The following TBXAS1 variants were observed in gnomAD, a reference collection of about 807,000 sequenced individuals.
TBXAS1 encodes the protein thromboxane-A synthase.
A neutral mutation model predicts 60.7 loss-of-function variants in TBXAS1; 48 were observed. That is an observed-to-expected ratio of 0.79 (90% CI 0.63 to 1.01). The LOEUF is 1.01. Among genes scored for constraint, TBXAS1 ranks in the 50% least tolerant of loss-of-function variants. TBXAS1 has a pLI of 0.00. For synonymous variants in TBXAS1, 287 were observed against 269.7 expected (o/e 1.06, Z -0.63); for missense variants, 685 against 686.3 (o/e 1.00, Z 0.02).
chr7:139,955,616 G>A lies in TBXAS1; in HGVS notation c.688+9G>A, dbSNP rs1329164002. The A allele has an allele frequency of 3.1e-6, 5 of 1,613,882 alleles. No homozygotes were observed. Among genetic ancestry groups the A allele is most frequent in the Middle Eastern group, 1.6e-4 (1 of 6,062 alleles). On this transcript the variant is annotated intron_variant, in intron 7 of 12. Coordinates refer to ENST00000448866, the MANE Select transcript of TBXAS1 (RefSeq NM_001061.7). The stretch of plus-strand genomic sequence containing the variant: ...TATCCTGGTTTTACTCTGTAAGTGC[G>A]GCTGCAGCCCGGGGCGCTGCGATGA...
intron 12 of TBXAS1, among the ~76,000 whole-genome samples, chr7:140,019,197 A>C (rs929356880): frequency 6.6e-6 from 1 of 152,176 alleles, no homozygotes; most frequent in African/African-American, 2.4e-5. Context: ...TGGATGGGGG[A>C]CATAGAGTCT....
intron 7 of TBXAS1, among the ~76,000 whole-genome samples, chr7:139,956,118 G>C (rs1287769508): frequency 6.6e-5 from 10 of 152,150 alleles, no homozygotes; most frequent in South Asian, 4.2e-4. Context: ...AATGCACGAG[G>C]ACCAGTCTAT....
At chr7:139,996,418 T>C (rs1372577837) in intron 9 of TBXAS1, among the ~76,000 whole-genome samples, 1 of 152,092 alleles carries the variant, frequency 6.6e-6, no homozygotes, top group East Asian at 1.9e-4. Context: ...TTCTTACCCC[T>C]ATCCCAGAGG....
chr7:139,813,406 A>T (rs1401372896), intron 4 of TBXAS1, among the ~76,000 whole-genome samples: 1 of 152,082 alleles, frequency 6.6e-6, no homozygotes, highest in African/African-American at 2.4e-5. Context: ...CTGAGGAAAC[A>T]CCCTTCTGGT....
intron 1 of TBXAS1, among the ~76,000 whole-genome samples, chr7:139,845,269 AG>A (rs1377117937): frequency 1.3e-5 from 2 of 151,960 alleles, no homozygotes; most frequent in Non-Finnish European, 2.9e-5. Flanking sequence ...TAAGGAAGTG[AG>A]TGTTCCTGGC....
At chr7:140,015,955 G>T in intron 11 of TBXAS1, 95 bp downstream of exon 11, 1 of 1,560,166 alleles carries the variant, frequency 6.4e-7, no homozygotes. Context: ...CACAGACTTA[G>T]CAAAATTGTC....
At chr7:139,829,625 A>C in intron 1 of TBXAS1, 146 bp downstream of exon 1, 1 of 772,630 alleles carries the variant, frequency 1.3e-6, no homozygotes, top group Non-Finnish European at 2.2e-6. Flanking sequence ...TCAGAATTAA[A>C]AGCAAACAGC....
At chr7:139,955,205 T>G (rs1258470360) in intron 6 of TBXAS1, among the ~76,000 whole-genome samples, 1 of 152,128 alleles carries the variant, frequency 6.6e-6, no homozygotes, top group Non-Finnish European at 1.5e-5. Context: ...TGCCCTCCTC[T>G]CCTCCCAGGT....
intron 1 of TBXAS1, among the ~76,000 whole-genome samples, chr7:139,843,192 A>G (rs946856715): frequency 1.1e-4 from 16 of 152,076 alleles, no homozygotes; most frequent in Non-Finnish European, 2.2e-4. Flanking sequence ...CTCCTGCCTA[A>G]CCTTCAAAAT....
chr7:139,846,355 G>A (rs1200009527), intron 1 of TBXAS1, among the ~76,000 whole-genome samples: 1 of 152,164 alleles, frequency 6.6e-6, no homozygotes, highest in Non-Finnish European at 1.5e-5. Flanking sequence ...CTAGCCTTGT[G>A]ACCTTAAGCA....
At chr7:139,832,786 A>C (rs1269588237) in intron 1 of TBXAS1, among the ~76,000 whole-genome samples, 1 of 152,238 alleles carries the variant, frequency 6.6e-6, no homozygotes, top group African/African-American at 2.4e-5. Flanking sequence ...ACAAGCTAGA[A>C]GGGATTGGGG....
chr7:139,952,822 A>C, intron 5 of TBXAS1: 2 of 902,130 alleles, frequency 2.2e-6, no homozygotes. Context: ...CGGCTTAAGC[A>C]CAAAAGAATA....
chr7:139,983,222 C>G (rs1812090478), intron 9 of TBXAS1, among the ~76,000 whole-genome samples: 3 of 152,224 alleles, frequency 2.0e-5, no homozygotes, highest in Admixed American at 2.0e-4. Flanking sequence ...GCCCCATCTT[C>G]AACCTCGGCT....
intron 9 of TBXAS1, among the ~76,000 whole-genome samples, chr7:139,991,369 G>C (rs747068645): frequency 1.5e-5 from 2 of 130,638 alleles, no homozygotes; most frequent in African/African-American, 6.1e-5. Context: ...ACACTTCCCT[G>C]TCACCACCAG....
At chr7:139,993,582 G>A (rs1421295369) in intron 9 of TBXAS1, among the ~76,000 whole-genome samples, 1 of 152,140 alleles carries the variant, frequency 6.6e-6, no homozygotes, top group Non-Finnish European at 1.5e-5. Flanking sequence ...TTCTCACAGT[G>A]TGACCCGAGA....
chr7:140,017,965 CCT>C (rs1815230930), intron 12 of TBXAS1, 132 bp downstream of exon 12: 1 of 1,149,798 alleles, frequency 8.7e-7, no homozygotes, highest in Admixed American at 2.3e-5. Flanking sequence ...AGCTCCTTAA[CCT>C]CTCTCGGCCT....
At chr7:139,968,762 GTC>G (rs908784788) in intron 9 of TBXAS1, among the ~76,000 whole-genome samples, 11 of 152,296 alleles carry the variant, frequency 7.2e-5, no homozygotes, top group Admixed American at 7.2e-4. Context: ...TCTTGGAGAA[GTC>G]TCTCTTTTCC....
At chr7:139,940,563 C>G (rs2284207) in intron 5 of TBXAS1, among the ~76,000 whole-genome samples, 1 of 151,846 alleles carries the variant, frequency 6.6e-6, no homozygotes, top group Non-Finnish European at 1.5e-5. Flanking sequence ...CTGTTGGTCC[C>G]CTCTCTGACC....
intron 4 of TBXAS1, among the ~76,000 whole-genome samples, chr7:139,927,305 G>A (rs568773686): frequency 6.6e-6 from 1 of 151,946 alleles, no homozygotes; most frequent in East Asian, 1.9e-4. Flanking sequence ...TGTATCTATT[G>A]TATGTTTTTA....
Sources: gnomAD v4.1 joint callset for allele counts (sites outside exome capture counted in the v4.1 genomes callset) on GRCh38, gnomAD v4.1.1 for gene constraint, MANE v1.5 for transcripts, NCBI Gene and HGNC (gene_info 2026-07-23, HGNC 2026-07-21) for gene names.